HEMK2: variants seen among roughly 807,000 people sequenced by gnomAD.
HEMK2 encodes the protein methyltransferase HEMK2.
At chr21:28,695,959 G>A in the HEMK2 span, among the ~76,000 whole-genome samples, 2,158 of 152,026 alleles carry the variant, frequency 0.014, 55 homozygotes, top group African/African-American at 0.049. Flanking sequence ...AGACATACCC[G>A]AGACTCGGTA....
the HEMK2 span, among the ~76,000 whole-genome samples, chr21:28,728,792 C>A: frequency 1.6e-3 from 237 of 152,268 alleles, 1 homozygote; most frequent in African/African-American, 5.6e-3. Flanking sequence ...ACTTTTTTAA[C>A]AGATTCTGAA....
At chr21:28,881,231 G>A in the HEMK2 span, among the ~76,000 whole-genome samples, 1 of 152,120 alleles carries the variant, frequency 6.6e-6, no homozygotes, top group Non-Finnish European at 1.5e-5. Flanking sequence ...CTTGACTTTT[G>A]TTAGGGAAGC....
chr21:28,692,460 A>G, the HEMK2 span, among the ~76,000 whole-genome samples: 1 of 152,138 alleles, frequency 6.6e-6, no homozygotes, highest in East Asian at 1.9e-4. Flanking sequence ...TACAATAAGG[A>G]AAGTAAAGTA....
At chr21:28,796,463 G>A in the HEMK2 span, among the ~76,000 whole-genome samples, 1 of 152,118 alleles carries the variant, frequency 6.6e-6, no homozygotes, top group Non-Finnish European at 1.5e-5. Flanking sequence ...TTAAATCTGG[G>A]ATATATGTTC....
chr21:28,864,869 G>A, the HEMK2 span, among the ~76,000 whole-genome samples: 1,103 of 87,444 alleles, frequency 0.013, 7 homozygotes, highest in African/African-American at 0.029. Context: ...ATAGATAGAT[G>A]GATGATAGGT....
At chr21:28,867,851 T>C in the HEMK2 span, among the ~76,000 whole-genome samples, 1 of 152,204 alleles carries the variant, frequency 6.6e-6, no homozygotes, top group African/African-American at 2.4e-5. Context: ...TTCTTTTTTA[T>C]TTTATAGATA....
chr21:28,726,085 A>G, the HEMK2 span, among the ~76,000 whole-genome samples: 2 of 152,170 alleles, frequency 1.3e-5, no homozygotes, highest in Non-Finnish European at 2.9e-5. Flanking sequence ...ACTTTATTCT[A>G]ATACAATAAT....
chr21:28,589,611 C>G, the HEMK2 span, among the ~76,000 whole-genome samples: 1 of 152,028 alleles, frequency 6.6e-6, no homozygotes, highest in Non-Finnish European at 1.5e-5. Context: ...CCAAGTTTCT[C>G]AGTTTTGGCC....
chr21:28,714,091 T>C, the HEMK2 span, among the ~76,000 whole-genome samples: 4 of 152,180 alleles, frequency 2.6e-5, no homozygotes, highest in African/African-American at 9.7e-5. Flanking sequence ...ATGTTAAGAG[T>C]TATGGGGCCA....
chr21:28,866,426 G>T, the HEMK2 span, among the ~76,000 whole-genome samples: 2 of 136,436 alleles, frequency 1.5e-5, no homozygotes, highest in Admixed American at 7.7e-5. Flanking sequence ...TCCAGCCTTG[G>T]TAACAGAGTG....
the HEMK2 span, among the ~76,000 whole-genome samples, chr21:28,841,093 ATT>A: frequency 1.4e-4 from 6 of 43,250 alleles, no homozygotes; most frequent in African/African-American, 4.8e-4. Context: ...TATTATATAT[ATT>A]ATATATTATA....
the HEMK2 span, among the ~76,000 whole-genome samples, chr21:28,694,955 G>T: frequency 6.7e-6 from 1 of 149,762 alleles, no homozygotes; most frequent in Non-Finnish European, 1.5e-5. Flanking sequence ...CCGAGATGGG[G>T]TCACTGCACT....
chr21:28,880,529 C>T, the HEMK2 span, among the ~76,000 whole-genome samples: 1 of 152,040 alleles, frequency 6.6e-6, no homozygotes, highest in Non-Finnish European at 1.5e-5. Context: ...CTCAGGAGTT[C>T]GAGACCAGCC....
the HEMK2 span, among the ~76,000 whole-genome samples, chr21:28,594,648 C>T: frequency 0.34 from 51,409 of 152,012 alleles, 9,845 homozygotes; most frequent in Middle Eastern, 0.45. Context: ...ATTATAATTT[C>T]AAAACTAATT....
the HEMK2 span, among the ~76,000 whole-genome samples, chr21:28,706,463 T>C: frequency 1.3e-5 from 2 of 152,168 alleles, no homozygotes; most frequent in African/African-American, 4.8e-5. Flanking sequence ...AATATGGCCA[T>C]GAGGTGACTC....
the HEMK2 span, among the ~76,000 whole-genome samples, chr21:28,672,735 C>G: frequency 6.6e-6 from 1 of 152,166 alleles, no homozygotes; most frequent in South Asian, 2.1e-4. Context: ...CAACCAAATG[C>G]CCTGCTCTTT....
chr21:28,696,780 C>T, the HEMK2 span, among the ~76,000 whole-genome samples: 10 of 152,378 alleles, frequency 6.6e-5, no homozygotes, highest in African/African-American at 2.4e-4. Flanking sequence ...CATACATCCT[C>T]TGAAATCTAG....
At chr21:28,613,500 AAC>A in the HEMK2 span, among the ~76,000 whole-genome samples, 15 of 152,132 alleles carry the variant, frequency 9.9e-5, no homozygotes, top group Non-Finnish European at 2.1e-4. Flanking sequence ...TAGATGGGGA[AAC>A]CATTGTATAG....
At chr21:28,678,721 G>A in the HEMK2 span, among the ~76,000 whole-genome samples, 1 of 152,226 alleles carries the variant, frequency 6.6e-6, no homozygotes, top group African/African-American at 2.4e-5. Context: ...CAAGCCAGAA[G>A]AGAGTGGGGG....
Sources: allele counts gnomAD v4.1 joint callset (sites outside exome capture counted in the v4.1 genomes callset), GRCh38; gene constraint gnomAD v4.1.1; transcripts MANE v1.5; gene names NCBI Gene and HGNC (gene_info 2026-07-23, HGNC 2026-07-21).